Variants in RYR2 observed in about 807,000 individuals in gnomAD.
The protein encoded by RYR2 is cardiac muscle ryanodine receptor-calcium release channel.
In RYR2, 227 loss-of-function variants were observed where a neutral mutation model predicts 601.1. The ratio of observed to expected loss-of-function variants is 0.38; its 90% CI spans 0.34 to 0.42. The LOEUF (loss-of-function observed/expected upper bound fraction) is 0.42. Ranked by LOEUF, RYR2 falls within the 10% of genes least tolerant of loss-of-function variation. RYR2 has a pLI of 1.00. For missense variants in RYR2, 4,646 were observed against 6,156.5 expected (o/e 0.75, Z 8.21); for synonymous variants, 2,223 against 2,175.1 (o/e 1.02, Z -0.61).
chr1:237,329,826 T>C (rs1189693361), intron 2 of RYR2, among the ~76,000 whole-genome samples: 1 of 151,934 alleles, frequency 6.6e-6, no homozygotes, highest in African/African-American at 2.4e-5. Context: ...ATTTTGAGAA[T>C]CTGTGGTGTA....
chr1:237,432,786 A>G (rs972703921), intron 12 of RYR2, among the ~76,000 whole-genome samples: 4 of 151,796 alleles, frequency 2.6e-5, no homozygotes, highest in African/African-American at 9.7e-5. Flanking sequence ...TTCTGTCATC[A>G]CTATCATTAT....
intron 2 of RYR2, among the ~76,000 whole-genome samples, chr1:237,329,375 C>T (rs963682228): frequency 9.9e-5 from 15 of 152,108 alleles, no homozygotes; most frequent in African/African-American, 3.1e-4. Flanking sequence ...GGCGCGGTGG[C>T]TCATGTCTGT....
chr1:237,348,019 C>A (rs1400529931), intron 3 of RYR2, among the ~76,000 whole-genome samples: 1 of 152,068 alleles, frequency 6.6e-6, no homozygotes, highest in Non-Finnish European at 1.5e-5. Flanking sequence ...GGCAGAGGAG[C>A]CTGCAAAGTT....
At chr1:237,718,376 TC>T in intron 72 of RYR2, 85 bp from the exon 73 acceptor site, 1 of 675,724 alleles carries the variant, frequency 1.5e-6, no homozygotes, top group Non-Finnish European at 2.6e-6. Flanking sequence ...GTATACTATT[TC>T]AAAAAAGGTT....
At chr1:237,130,311 A>G (rs1207341519) in intron 1 of RYR2, among the ~76,000 whole-genome samples, 1 of 152,198 alleles carries the variant, frequency 6.6e-6, no homozygotes, top group African/African-American at 2.4e-5. Context: ...CTAAGGGGTT[A>G]TCCTCTGTGT....
intron 16 of RYR2, among the ~76,000 whole-genome samples, chr1:237,460,853 T>G (rs553334107): frequency 6.6e-6 from 1 of 152,190 alleles, no homozygotes; most frequent in East Asian, 1.9e-4. Context: ...TTATAATATA[T>G]AGAAAATGCT....
chr1:237,706,599 G>C (rs529238205), intron 67 of RYR2, among the ~76,000 whole-genome samples: 13 of 152,118 alleles, frequency 8.5e-5, no homozygotes, highest in African/African-American at 3.1e-4. Flanking sequence ...GTGAGTGGGG[G>C]ACTTCAAAAC....
chr1:237,403,879 CGA>C (rs1327425217), intron 10 of RYR2, among the ~76,000 whole-genome samples: 1 of 152,002 alleles, frequency 6.6e-6, no homozygotes, highest in Non-Finnish European at 1.5e-5. Flanking sequence ...AAGATAAATA[CGA>C]GAGTTAAATC....
chr1:237,513,265 G>A (rs1047576830), intron 24 of RYR2, among the ~76,000 whole-genome samples: 1 of 152,202 alleles, frequency 6.6e-6, no homozygotes, highest in African/African-American at 2.4e-5. Context: ...TGCAAAGCCA[G>A]TAACTTTACT....
At chr1:237,622,401 G>A (rs1383898853) in intron 38 of RYR2, among the ~76,000 whole-genome samples, 3 of 152,088 alleles carry the variant, frequency 2.0e-5, no homozygotes, top group South Asian at 2.1e-4. Context: ...AATTCTACAC[G>A]TAAATACTTA....
At chr1:237,384,529 A>G (rs2149829932) in intron 8 of RYR2, among the ~76,000 whole-genome samples, 1 of 152,378 alleles carries the variant, frequency 6.6e-6, no homozygotes, top group African/African-American at 2.4e-5. Context: ...TTAGAGGGCC[A>G]GGGGGCCCAG....
intron 3 of RYR2, among the ~76,000 whole-genome samples, chr1:237,345,208 A>C (rs891532758): frequency 6.6e-6 from 1 of 152,072 alleles, no homozygotes; most frequent in Non-Finnish European, 1.5e-5. Flanking sequence ...TAAATTTTAA[A>C]ATCAGTTTGT....
rs78847499 is a variant in RYR2 at position 237,538,173 on chromosome 1, A to G, written c.2906+7663A>G. The stretch of plus-strand genomic sequence containing the variant: ...GGGAAGTCGAGGTGGGCAGATCATC[A>G]GAGGTCAGGAGTTCGAGACCAGCCT... On this transcript the variant is annotated intron_variant, in intron 25 of 104. Transcript: ENST00000366574. Among the ~76,000 whole-genome samples, 885 of 151,542 alleles carry G rather than the reference A, an allele frequency of 5.8e-3. 8 individuals carry two copies. Among genetic ancestry groups the G allele is most frequent in the African/African-American group, 0.021 (851 of 41,308 alleles).
chr1:237,651,633 T>G, intron 51 of RYR2, 132 bp downstream of exon 51: 2 of 619,142 alleles, frequency 3.2e-6, no homozygotes. Context: ...GAAATGGGCA[T>G]AGAAGTTATA....
At chr1:237,315,049 T>C (rs1242614513) in intron 2 of RYR2, among the ~76,000 whole-genome samples, 1 of 152,210 alleles carries the variant, frequency 6.6e-6, no homozygotes, top group Non-Finnish European at 1.5e-5. Context: ...TAGAAGTATG[T>C]AATTTTTTCA....
At chr1:237,434,485 T>A (rs1358862288) in intron 12 of RYR2, among the ~76,000 whole-genome samples, 7 of 152,354 alleles carry the variant, frequency 4.6e-5, no homozygotes, top group Non-Finnish European at 1.5e-5. Flanking sequence ...TTAGAAATAT[T>A]CTTCACTTTC....
At chr1:237,667,419 A>G (rs918372242) in intron 57 of RYR2, among the ~76,000 whole-genome samples, 4 of 152,222 alleles carry the variant, frequency 2.6e-5, no homozygotes, top group Non-Finnish European at 5.9e-5. Context: ...AAAACCCAAA[A>G]GGTCACAGAA....
Position 237,610,946 on chromosome 1 carries a change from A to G in RYR2, c.4868A>G (p.Asp1623Gly), listed in dbSNP as rs1421802252. 1.9e-6 allele frequency: 3 copies of G among 1,613,322 alleles called. No individual in the cohort carries two copies. The highest frequency in any genetic ancestry group is 1.3e-5 in the African/African-American group (1 of 74,978). ...CAAGGCTGGTTGGTGCAGTGTTTGGATCCTCTGCAGTTCATGTCTCTTCAT... is the reference window on the plus strand; with the variant it reads ...CAAGGCTGGTTGGTGCAGTGTTTGGGTCCTCTGCAGTTCATGTCTCTTCAT... ...ERQGWLVQCL[D>G]PLQFMSLHIP... The change falls in exon 36 of 105, where the codon GAT becomes GGT. Residue 1623 changes from aspartate (D) to glycine (G), a missense_variant. Coordinates refer to ENST00000366574, the MANE Select transcript of RYR2 (RefSeq NM_001035.3). This position sits in a 1 kb window ranked among gnomAD's most constrained non-coding sequence, Gnocchi z 4.9.
At chr1:237,421,032 A>G (rs140331513) in intron 11 of RYR2, among the ~76,000 whole-genome samples, 186 of 152,328 alleles carry the variant, frequency 1.2e-3, no homozygotes, top group African/African-American at 3.8e-3. Flanking sequence ...CAAGGTCAGG[A>G]GATCGAGACC....
Sources: allele counts gnomAD v4.1 joint callset (sites outside exome capture counted in the v4.1 genomes callset), GRCh38; gene constraint gnomAD v4.1.1; non-coding constraint Gnocchi (gnomAD v3.1); transcripts MANE v1.5; gene names NCBI Gene and HGNC (gene_info 2026-07-23, HGNC 2026-07-21).